The following UNC5A variants were observed in gnomAD, a reference collection of about 807,000 sequenced individuals.
UNC5A encodes the protein unc-5 netrin receptor A, also known as netrin receptor UNC5A.
Under a neutral mutation model 87.4 loss-of-function variants are expected in UNC5A, and 20 were observed. The ratio of observed to expected loss-of-function variants is 0.23; its 90% CI spans 0.16 to 0.33. UNC5A has a LOEUF of 0.33. UNC5A is among the 10% of genes least tolerant of loss of function. UNC5A has a pLI of 1.00. For missense variants in UNC5A, 844 were observed against 1,133.4 expected, an observed-to-expected ratio of 0.74 and a Z score of 3.67; for synonymous variants, 438 against 482.3, an observed-to-expected ratio of 0.91 and a Z score of 1.20.
In UNC5A at chr5:176,866,917, G is replaced by T. The variant is rs1757988387; in HGVS notation, c.293-1213G>T. Among the ~76,000 whole-genome samples the T allele has an allele frequency of 6.6e-6, 1 of 152,186 alleles. No individual in the cohort carries two copies. The highest frequency in any genetic ancestry group is 2.1e-4 in the South Asian group (1 of 4,834). On this transcript the variant is annotated intron_variant, in intron 2 of 14. Coordinates refer to ENST00000329542, the MANE Select transcript of UNC5A (RefSeq NM_133369.3). The surrounding 1 kb of genome is among the most constrained non-coding windows in gnomAD (Gnocchi z 5.0). ...TGCCATCTCCTATGATAGCTGGCCG[G>T]CGACAGGGACAAAGTGATAGAAAAA...
At chr5:176,878,803 T>C (rs1758334157) in intron 13 of UNC5A, among the ~76,000 whole-genome samples, 164 bp downstream of exon 13, 1 of 151,884 alleles carries the variant, frequency 6.6e-6, no homozygotes, top group African/African-American at 2.4e-5. Context: ...CCTCCCAGAC[T>C]CAGAGACAGG....
intron 1 of UNC5A, among the ~76,000 whole-genome samples, chr5:176,827,554 T>C (rs1756885427): frequency 6.6e-6 from 1 of 152,220 alleles, no homozygotes; most frequent in Admixed American, 6.5e-5. Flanking sequence ...CATTCACCCA[T>C]TGGTAGACAT....
intron 1 of UNC5A, among the ~76,000 whole-genome samples, chr5:176,839,841 G>A (rs1302809451): frequency 8.3e-6 from 1 of 120,956 alleles, no homozygotes; most frequent in African/African-American, 3.2e-5. Flanking sequence ...TTTCTTGACA[G>A]AGTCTCACTC....
chr5:176,851,771 T>G (rs1011340553), intron 1 of UNC5A, among the ~76,000 whole-genome samples: 8 of 152,208 alleles, frequency 5.3e-5, no homozygotes, highest in African/African-American at 1.9e-4. Flanking sequence ...CTCCTGACTT[T>G]CCAGCTGGCC....
In UNC5A at chr5:176,874,990, A is replaced by T. The variant is rs1264241622; in HGVS notation, c.1378+424A>T. 6.6e-6 allele frequency among the ~76,000 whole-genome samples: 1 copy of T among 151,836 alleles called. No individual in the cohort carries two copies. Among genetic ancestry groups the T allele is most frequent in the African/African-American group, 2.4e-5 (1 of 41,306 alleles). On this transcript the variant is annotated intron_variant, in intron 8 of 14. Coordinates refer to ENST00000329542, the MANE Select transcript of UNC5A (RefSeq NM_133369.3). The surrounding 1 kb of genome is among the most constrained non-coding windows in gnomAD (Gnocchi z 7.6). ...CCCCAGCACCGAAACCCTCTGAAGAACTCTTTCCATGGCTGCCTTGCAAGA... is the reference window on the plus strand; with the variant it reads ...CCCCAGCACCGAAACCCTCTGAAGATCTCTTTCCATGGCTGCCTTGCAAGA...
chr5:176,857,185 C>T (rs1757688758), intron 1 of UNC5A, among the ~76,000 whole-genome samples: 1 of 152,264 alleles, frequency 6.6e-6, no homozygotes. Context: ...TTCTCTGCTG[C>T]ACTTGGGTTT....
At chr5:176,879,656 A>G (rs1758368060) in intron 14 of UNC5A, 65 bp from the exon 15 acceptor site, 2 of 1,582,492 alleles carry the variant, frequency 1.3e-6, no homozygotes, top group Admixed American at 1.7e-5. Flanking sequence ...GGGGTGGGCC[A>G]GGGGGGGCAG....
intron 13 of UNC5A, 128 bp from the exon 14 acceptor site, chr5:176,879,182 C>T (rs1217702986): frequency 6.0e-6 from 7 of 1,158,962 alleles, no homozygotes. Flanking sequence ...GGGAGGTGCC[C>T]AGGAAGTACC....
chr5:176,879,161 C>T, intron 13 of UNC5A, 149 bp from the exon 14 acceptor site: 1 of 982,106 alleles, frequency 1.0e-6, no homozygotes, highest in Non-Finnish European at 1.5e-6. Context: ...GTAAGAAGGG[C>T]CTTGGCACAT....
At position 176,833,104 on chromosome 5, in the gene UNC5A, G is replaced by A. The variant is rs575823696; in HGVS notation, c.70+22284G>A. Among the ~76,000 whole-genome samples, 81 of 152,362 alleles carry A rather than the reference G, an allele frequency of 5.3e-4. 1 individual carries two copies. In the South Asian group the frequency reaches 0.012, roughly 22 times the overall value. Reference sequence around the variant, plus strand: ...GGAAACAGCAAGACCCTCTCAGGCCGAGGCCAAGTTGGAGTTGAGAGGAAC... The same window carrying A: ...GGAAACAGCAAGACCCTCTCAGGCCAAGGCCAAGTTGGAGTTGAGAGGAAC... On this transcript the variant is annotated intron_variant, in intron 1 of 14. Coordinates refer to ENST00000329542, the MANE Select transcript of UNC5A (RefSeq NM_133369.3).
At chr5:176,842,069 T>C (rs1581255704) in intron 1 of UNC5A, among the ~76,000 whole-genome samples, 1 of 152,198 alleles carries the variant, frequency 6.6e-6, no homozygotes, top group East Asian at 1.9e-4. Context: ...CGGTGGCGGG[T>C]GCCTGTAGTC....
At chr5:176,828,656 T>C (rs692825) in intron 1 of UNC5A, among the ~76,000 whole-genome samples, 14,908 of 152,210 alleles carry the variant, frequency 0.098, 1,529 homozygotes, top group African/African-American at 0.26. Context: ...TTTATCCACA[T>C]TGGAGATGAC....
At chr5:176,867,113 G>A (rs974215752) in intron 2 of UNC5A, among the ~76,000 whole-genome samples, 2 of 152,186 alleles carry the variant, frequency 1.3e-5, no homozygotes, top group African/African-American at 4.8e-5. Flanking sequence ...TGTTAACAAT[G>A]GAAACACATT....
chr5:176,862,554 T>C, intron 1 of UNC5A, 70 bp from the exon 2 acceptor site: 1 of 1,446,240 alleles, frequency 6.9e-7, no homozygotes, highest in Non-Finnish European at 9.5e-7. Context: ...GTGGAATCGT[T>C]TGCTGAGCCG....
rs1323433105 is a variant in UNC5A, at chr5:176,868,544, T to G, written c.437-17T>G. The G allele has an allele frequency of 6.3e-7, 1 of 1,584,814 alleles. No individual in the cohort carries two copies. The highest frequency in any genetic ancestry group is 8.6e-7 in the Non-Finnish European group (1 of 1,166,016). On this transcript the variant is annotated splice_polypyrimidine_tract_variant and intron_variant, in intron 3 of 14. Transcript: ENST00000329542. ...GCGAGGCCCTCAGACAGGAGGACAC[T>G]CTCATTCCTCTTCTAGATTTGCGCA...
intron 1 of UNC5A, among the ~76,000 whole-genome samples, chr5:176,815,502 G>A (rs1756565140): frequency 6.6e-6 from 1 of 152,226 alleles, no homozygotes; most frequent in African/African-American, 2.4e-5. Flanking sequence ...TCCCCAGCCT[G>A]TTTCCACATT....
chr5:176,847,369 A>G (rs758191101), intron 1 of UNC5A, among the ~76,000 whole-genome samples: 1 of 152,188 alleles, frequency 6.6e-6, no homozygotes, highest in Non-Finnish European at 1.5e-5. Flanking sequence ...CCCTCCCTCC[A>G]GGGCCTCCCT....
chr5:176,810,913 A>G lies in UNC5A; in HGVS notation c.70+93A>G. The G allele has an allele frequency of 1.8e-6, 2 of 1,114,582 alleles. No homozygotes were observed. The highest frequency in any genetic ancestry group is 2.2e-6 in the Non-Finnish European group (2 of 901,976). 69.0% of individuals were successfully genotyped at this position (1,114,582 alleles called of 1,614,324 possible). A position where few individuals can be genotyped will look rare whatever the true frequency, so the allele number is the denominator to read the frequency against. On this transcript the variant is annotated intron_variant, in intron 1 of 14. Transcript: ENST00000329542. This position sits in a 1 kb window ranked among gnomAD's most constrained non-coding sequence, Gnocchi z 7.3. The stretch of plus-strand genomic sequence containing the variant: ...GGGGGTCCCTGACCAGCGCTGCCAG[A>G]CCCGGCTGGGAGCCCCCCGAGGCCA...
rs746382338 is a variant in UNC5A, at chr5:176,868,206, G to C, written c.369G>C (p.Trp123Cys). ...VEKVFGLEEY[W>C]CQCVAWSSSG... is the part of the protein sequence containing the mutation. ...AGGTGTTCGGGCTGGAGGAATACTG[G>C]TGCCAGTGCGTGGCATGGAGCTCCT... Residue 123 changes from tryptophan to cysteine, a missense_variant, in exon 3 of 15, where the codon TGG becomes TGC. Coordinates refer to ENST00000329542, the MANE Select transcript of UNC5A (RefSeq NM_133369.3). 6.2e-7 allele frequency: 1 copy of C among 1,613,696 alleles called. No individual in the cohort carries two copies. Among genetic ancestry groups the C allele is most frequent in the Non-Finnish European group, 8.5e-7 (1 of 1,179,968 alleles).
Sources: gnomAD v4.1 joint callset for allele counts (sites outside exome capture counted in the v4.1 genomes callset) on GRCh38, gnomAD v4.1.1 for gene constraint, Gnocchi (gnomAD v3.1) non-coding constraint, MANE v1.5 for transcripts, NCBI Gene and HGNC (gene_info 2026-07-23, HGNC 2026-07-21) for gene names.